ZNF333: variants seen among roughly 807,000 people sequenced by gnomAD.
ZNF333 encodes zinc finger protein 333.
A neutral mutation model predicts 76.1 loss-of-function variants in ZNF333; 61 were observed. That is an observed-to-expected ratio of 0.80 (90% confidence interval 0.65 to 0.99). ZNF333 has a LOEUF of 0.99. ZNF333 is among the 50% of genes least tolerant of loss of function. The pLI is 0.00. For missense variants in ZNF333, 717 were observed against 822.4 expected, an observed-to-expected ratio of 0.87 and a Z score of 1.57; for synonymous variants, 284 against 305.0, an observed-to-expected ratio of 0.93 and a Z score of 0.72.
At chr19:14,711,934 C>G (rs758647240) in intron 7 of ZNF333, among the ~76,000 whole-genome samples, 1 of 151,920 alleles carries the variant, frequency 6.6e-6, no homozygotes, top group Non-Finnish European at 1.5e-5. Flanking sequence ...AGAGAAGGGG[C>G]TCTTTCTACA....
intron 5 of ZNF333, among the ~76,000 whole-genome samples, chr19:14,701,196 G>T (rs2041947042): frequency 6.6e-6 from 1 of 152,114 alleles, no homozygotes; most frequent in African/African-American, 2.4e-5. Flanking sequence ...CATCCGATGT[G>T]GTGGTTGCGG....
chr19:14,708,039 G>T (rs895951303), intron 7 of ZNF333: 2 of 389,296 alleles, frequency 5.1e-6, no homozygotes, highest in Non-Finnish European at 9.1e-6. Context: ...ACAGCATCTC[G>T]CTCTGTCACC....
chr19:14,724,293 A>C (rs933569100), downstream of ZNF333, among the ~76,000 whole-genome samples: 1 of 152,204 alleles, frequency 6.6e-6, no homozygotes, highest in Non-Finnish European at 1.5e-5. Flanking sequence ...GATGCCTTCA[A>C]ACCTAGCACA....
chr19:14,722,414 A>G (rs1312570026), downstream of ZNF333, among the ~76,000 whole-genome samples: 1 of 152,208 alleles, frequency 6.6e-6, no homozygotes, highest in African/African-American at 2.4e-5. Context: ...TTTGTATGTC[A>G]TCTGTGGAAA....
At position 14,693,468 on chromosome 19, in the gene ZNF333, A is replaced by T. The variant is rs1972921616; in HGVS notation, c.-24A>T. ...TATTGCAGGGAGAACACCGACTGAG[A>T]CCTCAAACCCTGGCTCCAGTGTCAT... On this transcript the variant is annotated 5_prime_UTR_variant, in exon 2 of 12. Coordinates refer to ENST00000292530, the MANE Select transcript of ZNF333 (RefSeq NM_032433.4). 6.2e-7 allele frequency: 1 copy of T among 1,600,576 alleles called. No individual in the cohort carries two copies. Among genetic ancestry groups the T allele is most frequent in the African/African-American group, 1.3e-5 (1 of 74,772 alleles).
intron 4 of ZNF333, among the ~76,000 whole-genome samples, chr19:14,697,153 C>T (rs1183409405): frequency 1.3e-5 from 2 of 152,114 alleles, no homozygotes; most frequent in Non-Finnish European, 2.9e-5. Context: ...TTTCACTTAG[C>T]TTTATGTTTT....
At chr19:14,715,071 A>C in intron 7 of ZNF333, 1 of 263,378 alleles carries the variant, frequency 3.8e-6, no homozygotes, top group Non-Finnish European at 7.5e-6. Context: ...GCACGTCTAT[A>C]TGTCTCTTTG....
chr19:14,700,858 C>T (rs1379211422), intron 5 of ZNF333, among the ~76,000 whole-genome samples: 2 of 152,164 alleles, frequency 1.3e-5, no homozygotes, highest in South Asian at 2.1e-4. Context: ...TCAGGGATGC[C>T]CCACACAGTG....
Position 14,695,021 on chromosome 19 carries a change from CT to C in ZNF333, c.18del (p.Phe6LeufsTer103). The stretch of plus-strand genomic sequence containing the variant: ...GTGTGCTGTTTTAGGAATCCGTCAC[CT>C]TTGAGGATGTGGCCGTGGAGTTCAT... Reference protein sequence around the residue: MESVTFEDVAVEFIQE... With the variant: MESVTXEDVAVEFIQE... On this transcript the variant is annotated frameshift_variant, in exon 3 of 12. Coordinates refer to ENST00000292530, the MANE Select transcript of ZNF333 (RefSeq NM_032433.4). LOFTEE classifies it high-confidence loss of function. 1 of 1,614,116 alleles carries C rather than the reference CT, an allele frequency of 6.2e-7. No homozygotes were observed. The highest frequency in any genetic ancestry group is 8.5e-7 in the Non-Finnish European group (1 of 1,180,028).
intron 4 of ZNF333, among the ~76,000 whole-genome samples, chr19:14,696,792 G>A (rs1015542722): frequency 7.2e-6 from 1 of 138,788 alleles, no homozygotes; most frequent in African/African-American, 2.7e-5. Context: ...AGGCTGGAGT[G>A]CAGTGGTACG....
Position 14,699,232 on chromosome 19 carries a change from C to T in ZNF333, c.257C>T (p.Pro86Leu), listed in dbSNP as rs1188365231. ...TCTCAACTTAAACCCGAAGAGTTGC[C>T]TTCTATGCAGGATCTTTTGGAAGAA... ...WESQLKPEELPSMQDLLEEAS... is the reference protein window; with the variant it reads ...WESQLKPEELLSMQDLLEEAS... The change falls in exon 5 of 12, where the codon CCT (proline) becomes CTT (leucine). Residue 86 changes from proline (P) to leucine (L), a missense_variant. Physicochemically the swap from Pro to Leu is moderately conservative, Grantham distance 98. Transcript: ENST00000292530. 3.1e-6 allele frequency: 5 copies of T among 1,613,770 alleles called. No homozygotes were observed. The African/African-American group carries it at 5.3e-5, about 17-fold the overall frequency.
At chr19:14,705,358 C>T (rs540364815) in intron 6 of ZNF333, among the ~76,000 whole-genome samples, 188 bp downstream of exon 6, 8 of 152,218 alleles carry the variant, frequency 5.3e-5, no homozygotes, top group South Asian at 2.1e-4. Context: ...AGGGTGATGG[C>T]GGGCTCCAGG....
Position 14,693,447 on chromosome 19 carries a change from G to T in ZNF333, c.-41-4G>T. The T allele has an allele frequency of 6.3e-7, 1 of 1,590,552 alleles. No individual in the cohort carries two copies. The highest frequency in any genetic ancestry group is 8.6e-7 in the Non-Finnish European group (1 of 1,163,190). On this transcript the variant is annotated splice_polypyrimidine_tract_variant and splice_region_variant and intron_variant, in intron 1 of 11. Coordinates refer to ENST00000292530, the MANE Select transcript of ZNF333 (RefSeq NM_032433.4). ...CTTTTACCTCAGTGTCTCCTTTATT[G>T]CAGGGAGAACACCGACTGAGACCTC...
rs2042417267 is a variant in ZNF333 at position 14,715,968 on chromosome 19, G to A, written c.601-144G>A. On this transcript the variant is annotated intron_variant, in intron 8 of 11. Coordinates refer to ENST00000292530, the MANE Select transcript of ZNF333 (RefSeq NM_032433.4). ...GTTCTAGTTCAGAGTCCTGAGCTAA[G>A]GGCCAGATTCTGCGGGATCTCAGAA... is the stretch of plus-strand genomic sequence containing the variant. 14 of 1,356,034 alleles carry A rather than the reference G, an allele frequency of 1.0e-5. No homozygotes were observed. The South Asian group carries it at 1.5e-4, about 15-fold the overall frequency. 84.0% of individuals were successfully genotyped at this position (1,356,034 alleles called of 1,614,324 possible). A position where few individuals can be genotyped will look rare whatever the true frequency, so the allele number is the denominator to read the frequency against.
chr19:14,691,279 C>T (rs371882594), intron 1 of ZNF333, among the ~76,000 whole-genome samples: 2 of 152,144 alleles, frequency 1.3e-5, no homozygotes, highest in East Asian at 1.9e-4. Flanking sequence ...GACTGTTATT[C>T]AGATCTTTTC....
At chr19:14,706,605 C>A in intron 6 of ZNF333, 81 bp from the exon 7 acceptor site, 1 of 1,027,102 alleles carries the variant, frequency 9.7e-7, no homozygotes, top group Non-Finnish European at 1.5e-6. Context: ...ATCAAATATG[C>A]ACGTTCATTT....
intron 4 of ZNF333, among the ~76,000 whole-genome samples, chr19:14,697,011 A>G (rs753957819): frequency 2.6e-5 from 4 of 152,174 alleles, no homozygotes; most frequent in Non-Finnish European, 1.5e-5. Context: ...TGCTGGGATT[A>G]CAGGCGTGAG....
intron 6 of ZNF333, among the ~76,000 whole-genome samples, chr19:14,705,710 C>G (rs2042090148): frequency 6.6e-6 from 1 of 152,222 alleles, no homozygotes; most frequent in South Asian, 2.1e-4. Context: ...CGGCGAGCAT[C>G]CATGCCTGAG....
rs1219294486 is a variant in ZNF333, at chr19:14,716,226, C to G, written c.715C>G (p.Leu239Val). The change falls in exon 9 of 12, where the codon CTG becomes GTG. Residue 239 changes from leucine (L) to valine (V), a missense_variant. Coordinates refer to ENST00000292530, the MANE Select transcript of ZNF333 (RefSeq NM_032433.4). ...TGTGATGCTGGAGAACTACAGGAAC[C>G]TGGCCTCTGTGGGTAAGGCAGCTTC... ...RDVMLENYRN[L>V]ASVADQLCKP... The G allele has an allele frequency of 6.2e-7, 1 of 1,612,020 alleles. No individual in the cohort carries two copies. The highest frequency in any genetic ancestry group is 8.5e-7 in the Non-Finnish European group (1 of 1,179,382).
Sources: gnomAD v4.1 joint callset for allele counts (sites outside exome capture counted in the v4.1 genomes callset) on GRCh38, gnomAD v4.1.1 for gene constraint, MANE v1.5 for transcripts, NCBI Gene and HGNC (gene_info 2026-07-23, HGNC 2026-07-21) for gene names.